The following AFG2A variants were observed in gnomAD, a reference collection of about 807,000 sequenced individuals.
AFG2A encodes the protein ATPase family gene 2 protein homolog A.
At chr4:123,008,005 T>C in the AFG2A span, among the ~76,000 whole-genome samples, 3 of 152,146 alleles carry the variant, frequency 2.0e-5, no homozygotes, top group Non-Finnish European at 4.4e-5. Flanking sequence ...TTTTGTTTTT[T>C]CCAGACATGT....
the AFG2A span, among the ~76,000 whole-genome samples, chr4:123,044,953 A>G: frequency 5.3e-5 from 8 of 151,824 alleles, no homozygotes; most frequent in South Asian, 2.1e-4. Flanking sequence ...TCTTTTCCTC[A>G]TAATTTTAAT....
At chr4:123,170,719 T>C in the AFG2A span, among the ~76,000 whole-genome samples, 1 of 152,180 alleles carries the variant, frequency 6.6e-6, no homozygotes, top group Non-Finnish European at 1.5e-5. Context: ...ACAGCTTTTT[T>C]CCCCAGAGTG....
At chr4:123,266,428 AAATTT>A in the AFG2A span, among the ~76,000 whole-genome samples, 2 of 151,960 alleles carry the variant, frequency 1.3e-5, no homozygotes, top group East Asian at 3.8e-4. Context: ...TATAATCAGC[AAATTT>A]AATTTGATAT....
At chr4:123,032,803 A>G in the AFG2A span, among the ~76,000 whole-genome samples, 1 of 152,224 alleles carries the variant, frequency 6.6e-6, no homozygotes, top group Non-Finnish European at 1.5e-5. Flanking sequence ...GCTCCCGGTC[A>G]GCCATTGTGA....
At chr4:123,079,583 C>T in the AFG2A span, among the ~76,000 whole-genome samples, 1 of 151,892 alleles carries the variant, frequency 6.6e-6, no homozygotes, top group Non-Finnish European at 1.5e-5. Flanking sequence ...TCTGTTTTAT[C>T]TAGTAGTGTA....
chr4:123,317,930 C>T, the AFG2A span: 1 of 152,168 alleles, frequency 6.6e-6, no homozygotes, highest in East Asian at 1.9e-4. Flanking sequence ...GGAATTTCCT[C>T]AGGGGAGAAA....
At chr4:123,240,497 T>C in the AFG2A span, among the ~76,000 whole-genome samples, 3 of 152,116 alleles carry the variant, frequency 2.0e-5, no homozygotes, top group African/African-American at 7.2e-5. Flanking sequence ...CACAACTACA[T>C]GGAAACTGAA....
chr4:123,056,287 GTTTAT>G, the AFG2A span: 1 of 1,117,726 alleles, frequency 8.9e-7, no homozygotes, highest in Non-Finnish European at 1.2e-6. Flanking sequence ...AGCAGATTTT[GTTTAT>G]TTTCTCTTTT....
At chr4:123,248,563 G>A in the AFG2A span, among the ~76,000 whole-genome samples, 1 of 152,174 alleles carries the variant, frequency 6.6e-6, no homozygotes. Context: ...CTGGGCCTCT[G>A]TAAGAGCTGA....
At chr4:122,970,411 C>A in the AFG2A span, among the ~76,000 whole-genome samples, 1 of 151,696 alleles carries the variant, frequency 6.6e-6, no homozygotes, top group African/African-American at 2.4e-5. Flanking sequence ...AAAGACACAT[C>A]TCTCAGAATG....
the AFG2A span, among the ~76,000 whole-genome samples, chr4:122,981,488 T>A: frequency 6.6e-6 from 1 of 151,630 alleles, no homozygotes; most frequent in African/African-American, 2.4e-5. Context: ...TTGCTTGAGA[T>A]TACTTTGACT....
the AFG2A span, among the ~76,000 whole-genome samples, chr4:122,952,780 G>A: frequency 6.6e-6 from 1 of 152,186 alleles, no homozygotes; most frequent in Non-Finnish European, 1.5e-5. Flanking sequence ...CTTCCCAGGT[G>A]AATGCAAATT....
At chr4:122,933,919 G>A in the AFG2A span, among the ~76,000 whole-genome samples, 2 of 152,112 alleles carry the variant, frequency 1.3e-5, no homozygotes, top group Non-Finnish European at 2.9e-5. Context: ...ATTTCCTTCT[G>A]TCTCCAGATG....
the AFG2A span, among the ~76,000 whole-genome samples, chr4:123,192,796 T>C: frequency 5.1e-3 from 776 of 152,352 alleles, 9 homozygotes; most frequent in African/African-American, 0.017. Flanking sequence ...CCACAGGCAG[T>C]ATATTTTTCT....
the AFG2A span, among the ~76,000 whole-genome samples, chr4:123,243,037 C>G: frequency 6.6e-6 from 1 of 152,184 alleles, no homozygotes; most frequent in East Asian, 1.9e-4. Context: ...CAAATCAAAA[C>G]CACAATGAGA....
At chr4:123,057,314 ATTACATAATAATATGATG>A in the AFG2A span, 6 of 1,581,108 alleles carry the variant, frequency 3.8e-6, no homozygotes, top group South Asian at 4.4e-5. Context: ...TAGCACTGCT[ATTACATAATAATATGATG>A]TTACATAATA....
At chr4:123,046,999 G>C in the AFG2A span, among the ~76,000 whole-genome samples, 2 of 152,042 alleles carry the variant, frequency 1.3e-5, no homozygotes, top group South Asian at 2.1e-4. Flanking sequence ...AATAATAATT[G>C]ATGAACACTT....
chr4:122,923,460 A>G, the AFG2A span, among the ~76,000 whole-genome samples: 1 of 152,186 alleles, frequency 6.6e-6, no homozygotes, highest in African/African-American at 2.4e-5. Context: ...TCTGTATGTA[A>G]GAAGCATGCA....
the AFG2A span, among the ~76,000 whole-genome samples, chr4:123,006,249 G>T: frequency 2.7e-5 from 4 of 150,702 alleles, no homozygotes; most frequent in African/African-American, 4.9e-5. Context: ...TATTTTTTTT[G>T]AAAAGAAATC....
Sources: gnomAD v4.1 joint callset for allele counts (sites outside exome capture counted in the v4.1 genomes callset) on GRCh38, gnomAD v4.1.1 for gene constraint, MANE v1.5 for transcripts, NCBI Gene and HGNC (gene_info 2026-07-23, HGNC 2026-07-21) for gene names.